The following MATR3 variants were observed in gnomAD, a reference collection of about 807,000 sequenced individuals.
MATR3 encodes matrin 3, also known as matrin-3.
MATR3 carries 4 observed loss-of-function variants against 85.5 expected under a neutral mutation model. The observed-to-expected ratio is 0.05, with a 90% CI of 0.02 to 0.11. MATR3 has a LOEUF of 0.11. MATR3 is among the 10% of genes least tolerant of loss of function. The pLI, the probability that MATR3 is intolerant of heterozygous loss-of-function variation, is 1.00. For missense variants in MATR3, 685 were observed against 1,016.1 expected (o/e 0.67, Z 4.43); for synonymous variants, 336 against 343.1 (o/e 0.98, Z 0.23).
intron 2 of MATR3, among the ~76,000 whole-genome samples, chr5:139,309,202 G>A (rs1345400648): frequency 1.3e-5 from 2 of 152,104 alleles, no homozygotes; most frequent in Non-Finnish European, 2.9e-5. Flanking sequence ...CTTTTTCAGT[G>A]TTACTCATTC....
In MATR3 at chr5:139,331,565, T is replaced by G. The variant is rs1403800962; in HGVS notation, c.*2170T>G. The G allele has an allele frequency of 4.4e-6, 2 of 454,152 alleles. No homozygotes were observed. The highest frequency in any genetic ancestry group is 1.4e-4 in the East Asian group (2 of 14,400). The allele number at this position is 454,152 out of a possible 1,614,324, so 28.1% of individuals were successfully genotyped here. Reference sequence around the variant, plus strand: ...AAAACCTCTTTTTAGTAGGAATGTTTCCACTCATGTTTGCTGTAAAGTTTA... The same window carrying G: ...AAAACCTCTTTTTAGTAGGAATGTTGCCACTCATGTTTGCTGTAAAGTTTA... On this transcript the variant is annotated 3_prime_UTR_variant, in exon 15 of 15. Coordinates refer to ENST00000394805, the MANE Select transcript of MATR3 (RefSeq NM_018834.6).
At chr5:139,306,369 T>C (rs767448785) in intron 1 of MATR3, among the ~76,000 whole-genome samples, 18 of 152,204 alleles carry the variant, frequency 1.2e-4, no homozygotes, top group South Asian at 2.1e-4. Context: ...ATTTTCATTT[T>C]TACCTGTTTT....
upstream of MATR3, among the ~76,000 whole-genome samples, chr5:139,291,719 A>G (rs1753875942): frequency 1.3e-5 from 2 of 151,978 alleles, no homozygotes; most frequent in African/African-American, 4.8e-5. Context: ...TTGTATTTCG[A>G]GTAGAGACGG....
rs1479841518 is a variant in MATR3, at chr5:139,330,373, A to G, written c.*978A>G. On this transcript the variant is annotated 3_prime_UTR_variant, in exon 15 of 15. Coordinates refer to ENST00000394805, the MANE Select transcript of MATR3 (RefSeq NM_018834.6). ...TATATCTGTGGATTCAAGTTACTGA[A>G]GTGAATACCAATAAAAAGAAAACCC... 1 of 454,400 alleles carries G rather than the reference A, an allele frequency of 2.2e-6. No homozygotes were observed. Among genetic ancestry groups the G allele is most frequent in the Non-Finnish European group, 4.4e-6 (1 of 226,792 alleles). 28.1% of individuals were successfully genotyped at this position (454,400 alleles called of 1,614,324 possible). A position where few individuals can be genotyped will look rare whatever the true frequency, so the allele number is the denominator to read the frequency against.
At chr5:139,315,148 A>T (rs957662298) in intron 3 of MATR3, 8 of 172,792 alleles carry the variant, frequency 4.6e-5, no homozygotes, top group South Asian at 2.0e-4. Context: ...TTGGTGATGA[A>T]TTTTTTTTTT....
chr5:139,305,797 T>C (rs757284145), intron 1 of MATR3, among the ~76,000 whole-genome samples: 51 of 152,218 alleles, frequency 3.4e-4, no homozygotes, highest in African/African-American at 4.3e-4. Flanking sequence ...CCACCTCTTA[T>C]AGCATTTCTG....
chr5:139,305,101 G>C (rs768055142), intron 1 of MATR3, among the ~76,000 whole-genome samples: 1 of 152,104 alleles, frequency 6.6e-6, no homozygotes, highest in African/African-American at 2.4e-5. Flanking sequence ...TGCATTTTAC[G>C]TTGAAACTGA....
Position 139,297,428 on chromosome 5 carries a change from G to T in MATR3, c.-178+3623G>T, listed in dbSNP as rs577073465. On this transcript the variant is annotated intron_variant, in intron 1 of 14. Coordinates refer to ENST00000394805, the MANE Select transcript of MATR3 (RefSeq NM_018834.6). The stretch of plus-strand genomic sequence containing the variant: ...TGAAGTTCTTGATAAAAGTTTATGT[G>T]TAGAAAATTTAATGGATAATTAAAA... 9.2e-5 allele frequency among the ~76,000 whole-genome samples: 14 copies of T among 152,288 alleles called. No individual in the cohort carries two copies. In the South Asian group the frequency reaches 2.9e-3, roughly 32 times the overall value.
At chr5:139,306,115 T>A (rs950675649) in intron 1 of MATR3, among the ~76,000 whole-genome samples, 17 of 152,240 alleles carry the variant, frequency 1.1e-4, no homozygotes, top group Non-Finnish European at 1.9e-4. Context: ...GTAGTTGTGA[T>A]TATAAAATTG....
In MATR3 at chr5:139,311,750, C is replaced by CTTTTTTTTTTTTTTTTTTTTTTTTTT. The variant is rs552172719; in HGVS notation, c.913-2915_913-2890dup. 5 of 65,236 alleles carry CTTTTTTTTTTTTTTTTTTTTTTTTTT rather than the reference C, an allele frequency of 7.7e-5. 1 individual carries two copies. The highest frequency in any genetic ancestry group is 2.6e-4 in the African/African-American group (4 of 15,362). The allele number at this position is 65,236 out of a possible 1,614,324, so 4.0% of individuals were successfully genotyped here. On this transcript the variant is annotated intron_variant, in intron 2 of 14. Coordinates refer to ENST00000394805, the MANE Select transcript of MATR3 (RefSeq NM_018834.6). ...TTAATTGGTATTTGTTTAATTAATC[C>CTTTTTTTTTTTTTTTTTTTTTTTTTT]TTTTTTTTTTTTTTTTTTTTTTTTT...
At chr5:139,295,437 CA>C (rs1754095593) in intron 1 of MATR3, among the ~76,000 whole-genome samples, 1 of 152,194 alleles carries the variant, frequency 6.6e-6, no homozygotes, top group Admixed American at 6.5e-5. Context: ...TCTTCCTTTG[CA>C]CTTAACAGTA....
intron 12 of MATR3, among the ~76,000 whole-genome samples, chr5:139,323,848 A>T (rs1755703817): frequency 6.6e-6 from 1 of 152,154 alleles, no homozygotes; most frequent in Non-Finnish European, 1.5e-5. Context: ...CCAAGATCAC[A>T]TCACTGTACT....
intron 12 of MATR3, among the ~76,000 whole-genome samples, chr5:139,324,538 C>T (rs1349770271): frequency 3.9e-5 from 6 of 152,166 alleles, no homozygotes; most frequent in Admixed American, 3.9e-4. Context: ...GGGTGATCCG[C>T]CCACCTCAGC....
chr5:139,326,320 C>A (rs773145657), intron 14 of MATR3, 36 bp downstream of exon 14: 1 of 1,607,046 alleles, frequency 6.2e-7, no homozygotes, highest in Non-Finnish European at 8.5e-7. Flanking sequence ...TTTGTGAAAA[C>A]TTAACAAGTT....
intron 12 of MATR3, among the ~76,000 whole-genome samples, chr5:139,324,296 T>G (rs959376500): frequency 6.8e-6 from 1 of 146,122 alleles, no homozygotes; most frequent in African/African-American, 2.6e-5. Context: ...GATTGTTTTT[T>G]TTTTTTTTTT....
chr5:139,316,592 G>A (rs1424006701), intron 5 of MATR3, among the ~76,000 whole-genome samples: 1 of 152,002 alleles, frequency 6.6e-6, no homozygotes, highest in Non-Finnish European at 1.5e-5. Flanking sequence ...CCGTCACTCA[G>A]GCTAGAGTGT....
chr5:139,329,590 AGTTTTT>A lies in MATR3; in HGVS notation c.*201_*206del, dbSNP rs1756031821. On this transcript the variant is annotated 3_prime_UTR_variant, in exon 15 of 15. Coordinates refer to ENST00000394805, the MANE Select transcript of MATR3 (RefSeq NM_018834.6). ...TACACATATGGTTAAGTTAATGAATAGTTTTTGTTTTATCAGAATGGCAACAGACAG... is the reference window on the plus strand; with the variant it reads ...TACACATATGGTTAAGTTAATGAATAGTTTTATCAGAATGGCAACAGACAG... 1.7e-6 allele frequency: 1 copy of A among 593,830 alleles called. No homozygotes were observed. Among genetic ancestry groups the A allele is most frequent in the African/African-American group, 1.8e-5 (1 of 54,248 alleles). The allele number at this position is 593,830 out of a possible 1,614,324, so 36.8% of individuals were successfully genotyped here.
chr5:139,321,079 T>C (rs1755542973), intron 9 of MATR3, among the ~76,000 whole-genome samples: 1 of 151,684 alleles, frequency 6.6e-6, no homozygotes, highest in Non-Finnish European at 1.5e-5. Flanking sequence ...TTGCAGAGTG[T>C]ATATAGATGG....
intron 1 of MATR3, chr5:139,274,460 G>C (rs777481916): frequency 3.0e-5 from 6 of 201,568 alleles, no homozygotes; most frequent in Middle Eastern, 2.4e-3. Flanking sequence ...CGGTGGAACT[G>C]AGTCAGCCCC....
Sources: gnomAD v4.1 joint callset for allele counts (sites outside exome capture counted in the v4.1 genomes callset) on GRCh38, gnomAD v4.1.1 for gene constraint, MANE v1.5 for transcripts, NCBI Gene and HGNC (gene_info 2026-07-23, HGNC 2026-07-21) for gene names.